ZFHX3: variants seen among roughly 807,000 people sequenced by gnomAD.
ZFHX3 encodes the protein zinc finger homeobox protein 3.
ZFHX3 carries 42 observed loss-of-function variants against 279.1 expected under a neutral mutation model. That is an observed-to-expected ratio of 0.15 (90% CI 0.12 to 0.19). The LOEUF (loss-of-function observed/expected upper bound fraction) is 0.19, where lower values mean the gene tolerates loss of function less well. ZFHX3 is among the 10% of genes least tolerant of loss of function. ZFHX3 has a pLI of 1.00. For synonymous variants in ZFHX3, 2,293 were observed against 1,957.8 expected (o/e 1.17, Z -4.52); for missense variants, 4,981 against 4,754.0 (o/e 1.05, Z -1.40).
chr16:72,860,149 C>G (rs1291645569), intron 4 of ZFHX3, among the ~76,000 whole-genome samples: 3 of 152,110 alleles, frequency 2.0e-5, no homozygotes, highest in Admixed American at 1.3e-4. Flanking sequence ...TTTAACAGAT[C>G]CAGATTCCCA....
intron 1 of ZFHX3, among the ~76,000 whole-genome samples, chr16:73,891,362 C>T (rs1262476901): frequency 2.0e-5 from 3 of 152,144 alleles, no homozygotes; most frequent in South Asian, 2.1e-4. Flanking sequence ...GTCAGCAACG[C>T]GGCCCAGGCA....
chr16:72,986,644 G>A (rs1007814308), intron 1 of ZFHX3, among the ~76,000 whole-genome samples: 7 of 152,178 alleles, frequency 4.6e-5, no homozygotes, highest in South Asian at 2.1e-4. Context: ...TATCGGCACC[G>A]TCTCCAATGC....
chr16:73,839,326 C>CAAAAAAGAAAAAAAAAAAAAAAA (rs1961233006), intron 1 of ZFHX3, among the ~76,000 whole-genome samples: 2 of 30,042 alleles, frequency 6.7e-5, no homozygotes, highest in African/African-American at 2.4e-4. Flanking sequence ...GACTCCATCT[C>CAAAAAAGAAAAAAAAAAAAAAAA]AAAAAAAAAA....
chr16:73,482,474 G>T (rs985169601), intron 2 of ZFHX3, among the ~76,000 whole-genome samples: 2 of 152,038 alleles, frequency 1.3e-5, no homozygotes, highest in African/African-American at 4.8e-5. Context: ...CTGCTAGAGG[G>T]GTCCGGCCCC....
chr16:73,680,783 AC>A (rs2053002117), intron 1 of ZFHX3, among the ~76,000 whole-genome samples: 1 of 152,162 alleles, frequency 6.6e-6, no homozygotes, highest in African/African-American at 2.4e-5. Context: ...TGAATCTTAA[AC>A]TATATCTTTT....
chr16:73,103,887 G>T lies in ZFHX3; in HGVS notation c.-896-10289C>A, dbSNP rs79059366. On this transcript the variant is annotated intron_variant, in intron 7 of 17. Transcript: ENST00000641206. ...AACTAGGCTTGTTCTGGCAGATACG[G>T]TGGGAAATAATGTAGTAAACCAAGG... 1.8e-3 allele frequency among the ~76,000 whole-genome samples: 277 copies of T among 152,294 alleles called. 2 individuals are homozygous for T. Among genetic ancestry groups the T allele is most frequent in the African/African-American group, 6.1e-3 (252 of 41,554 alleles).
chr16:73,872,262 G>C (rs969976969), intron 1 of ZFHX3, among the ~76,000 whole-genome samples: 20 of 146,652 alleles, frequency 1.4e-4, no homozygotes, highest in African/African-American at 4.3e-4. Context: ...TTTTTTCTTT[G>C]AGACAGTCTC....
chr16:73,731,441 C>T (rs1043732596), intron 1 of ZFHX3, among the ~76,000 whole-genome samples: 2 of 149,674 alleles, frequency 1.3e-5, no homozygotes, highest in Non-Finnish European at 3.0e-5. Context: ...AATTACTGCT[C>T]AATTGGCGCT....
intron 4 of ZFHX3, among the ~76,000 whole-genome samples, chr16:73,262,204 G>A (rs950408750): frequency 6.6e-6 from 1 of 152,216 alleles, no homozygotes; most frequent in Admixed American, 6.5e-5. Flanking sequence ...AAAGTTATAG[G>A]AGAACAAAGA....
chr16:73,310,965 G>T (rs1021823809), intron 4 of ZFHX3, among the ~76,000 whole-genome samples: 1 of 152,220 alleles, frequency 6.6e-6, no homozygotes, highest in Non-Finnish European at 1.5e-5. Context: ...AGGTGCAGTG[G>T]CTCACGCCTG....
chr16:73,731,001 C>A (rs964732317), intron 1 of ZFHX3, among the ~76,000 whole-genome samples: 1 of 152,168 alleles, frequency 6.6e-6, no homozygotes, highest in African/African-American at 2.4e-5. Flanking sequence ...TGATGTCAGT[C>A]TATCTTCATA....
At chr16:73,539,615 G>T (rs902736169) in intron 2 of ZFHX3, among the ~76,000 whole-genome samples, 19 of 151,500 alleles carry the variant, frequency 1.3e-4, no homozygotes, top group Non-Finnish European at 2.8e-4. Context: ...ACTTTTATAG[G>T]TTTCCTCGAT....
chr16:73,321,493 C>T (rs919858240), intron 3 of ZFHX3, among the ~76,000 whole-genome samples: 2 of 152,202 alleles, frequency 1.3e-5, no homozygotes, highest in African/African-American at 4.8e-5. Flanking sequence ...TCCCTTTGGA[C>T]CCAGCCAGTT....
At chr16:73,830,694 T>A (rs1165734429) in intron 1 of ZFHX3, among the ~76,000 whole-genome samples, 1 of 152,246 alleles carries the variant, frequency 6.6e-6, no homozygotes, top group African/African-American at 2.4e-5. Flanking sequence ...AAATTGCACT[T>A]GGATCAAAAA....
At chr16:73,743,958 A>T (rs1166857975) in intron 1 of ZFHX3, among the ~76,000 whole-genome samples, 5 of 152,158 alleles carry the variant, frequency 3.3e-5, no homozygotes, top group Non-Finnish European at 7.3e-5. Context: ...AAGGATCCAG[A>T]ATGACATCCT....
intron 1 of ZFHX3, among the ~76,000 whole-genome samples, chr16:73,708,195 A>G (rs1316965178): frequency 6.6e-6 from 1 of 152,216 alleles, no homozygotes; most frequent in African/African-American, 2.4e-5. Context: ...AAGTAGAATT[A>G]CTGGAGAAAT....
intron 1 of ZFHX3, among the ~76,000 whole-genome samples, chr16:72,978,783 A>C (rs1962464947): frequency 6.6e-6 from 1 of 152,158 alleles, no homozygotes; most frequent in Non-Finnish European, 1.5e-5. Flanking sequence ...CAAACAAGAA[A>C]AGGGGAGGCC....
At chr16:72,905,018 T>C (rs879456014) in intron 3 of ZFHX3, among the ~76,000 whole-genome samples, 4 of 152,106 alleles carry the variant, frequency 2.6e-5, no homozygotes, top group Admixed American at 6.5e-5. Flanking sequence ...TTTTGCATTT[T>C]TGGTAGAGAC....
intron 1 of ZFHX3, among the ~76,000 whole-genome samples, chr16:73,791,523 C>T (rs1168678051): frequency 1.3e-5 from 2 of 152,202 alleles, no homozygotes; most frequent in African/African-American, 4.8e-5. Flanking sequence ...CTCCCAGGTT[C>T]AAGTGATTCC....
Sources: gnomAD v4.1 joint callset for allele counts (sites outside exome capture counted in the v4.1 genomes callset) on GRCh38, gnomAD v4.1.1 for gene constraint, MANE v1.5 for transcripts, NCBI Gene and HGNC (gene_info 2026-07-23, HGNC 2026-07-21) for gene names.